CLK4: variants seen among roughly 807,000 people sequenced by gnomAD.
The protein encoded by CLK4 is dual specificity protein kinase CLK4.
In CLK4, 37 loss-of-function variants were observed where a neutral mutation model predicts 64.4. The ratio of observed to expected loss-of-function variants is 0.57; its 90% CI spans 0.44 to 0.76. The LOEUF (loss-of-function observed/expected upper bound fraction) is 0.76, where lower values mean the gene tolerates loss of function less well. CLK4 is among the 30% of genes least tolerant of loss of function. The pLI is 0.00. For synonymous variants in CLK4, 175 were observed against 191.6 expected, an observed-to-expected ratio of 0.91 and a Z score of 0.72; for missense variants, 457 against 605.1, an observed-to-expected ratio of 0.76 and a Z score of 2.57.
At chr5:178,618,457 ATT>A in intron 3 of CLK4, 97 bp downstream of exon 3, 1 of 367,516 alleles carries the variant, frequency 2.7e-6, no homozygotes, top group Non-Finnish European at 4.5e-6. Flanking sequence ...TCCAAATAGT[ATT>A]TTATATATAT....
rs747152188 is a variant in CLK4, at chr5:178,612,912, T to TTA, written c.827-24_827-23dup. 6 of 1,243,962 alleles carry TTA rather than the reference T, an allele frequency of 4.8e-6. No homozygotes were observed. In the African/African-American group the frequency reaches 6.0e-5, roughly 12 times the overall value. The allele number at this position is 1,243,962 out of a possible 1,614,324, so 77.1% of individuals were successfully genotyped here. On this transcript the variant is annotated intron_variant, in intron 7 of 12. Transcript: ENST00000316308. ...AAAACTACAAGAGAACAAAAGCACA[T>TTA]TATTAGTTTCACTTACAAACTTAAT...
At position 178,608,576 on chromosome 5, in the gene CLK4, A is replaced by C. The variant is rs541447842; in HGVS notation, c.1052-118T>G. The C allele has an allele frequency of 5.3e-5, 34 of 641,992 alleles. 1 individual carries two copies. The South Asian group carries it at 6.4e-4, about 12-fold the overall frequency. The allele number at this position is 641,992 out of a possible 1,614,324, so 39.8% of individuals were successfully genotyped here. ...AACCCATTTGGGAGAATAAGACACC[A>C]AATTCAGGGTTTATAGTTCTAGTTT... On this transcript the variant is annotated intron_variant, in intron 9 of 12. Transcript: ENST00000316308.
chr5:178,609,549 G>A (rs1455529164), intron 9 of CLK4, among the ~76,000 whole-genome samples: 2 of 152,054 alleles, frequency 1.3e-5, no homozygotes, highest in African/African-American at 4.8e-5. Context: ...TGGGCGTGGT[G>A]GCAGACGCCT....
chr5:178,613,845 T>C lies in CLK4; in HGVS notation c.543-2A>G. ...TTCACTGCTACATGCATGCCATCCC[T>C]TAAAAATAAAATTAAGATAAAAATG... On this transcript the variant is annotated splice_acceptor_variant, in intron 5 of 12. Transcript: ENST00000316308. LOFTEE classifies it high-confidence loss of function. The C allele has an allele frequency of 6.2e-7, 1 of 1,606,180 alleles. No individual in the cohort carries two copies. Among genetic ancestry groups the C allele is most frequent in the Non-Finnish European group, 8.5e-7 (1 of 1,173,184 alleles).
chr5:178,619,471 G>A (rs1764674512), intron 2 of CLK4, among the ~76,000 whole-genome samples: 1 of 152,166 alleles, frequency 6.6e-6, no homozygotes, highest in Non-Finnish European at 1.5e-5. Flanking sequence ...TGCCTCATGT[G>A]CCAAAGGCAT....
Position 178,611,645 on chromosome 5 carries a change from T to G in CLK4, c.1051+771A>C, listed in dbSNP as rs1019991267. 7.9e-5 allele frequency among the ~76,000 whole-genome samples: 12 copies of G among 152,166 alleles called. No homozygotes were observed. In the East Asian group the frequency reaches 1.9e-3, roughly 24 times the overall value. On this transcript the variant is annotated intron_variant, in intron 9 of 12. Coordinates refer to ENST00000316308, the MANE Select transcript of CLK4 (RefSeq NM_020666.3). ...AAGTATCAAGAGTTTGCTTTTACAC[T>G]CCTATTCTGAACTACCAAGTCCCGT...
chr5:178,617,396 A>G lies in CLK4; in HGVS notation c.423T>C (p.Asp141=). The change falls in exon 4 of 13, where the codon GAT becomes GAC. Residue 141 remains aspartate, a synonymous_variant. Transcript: ENST00000316308. This position sits in a 1 kb window ranked among gnomAD's most constrained non-coding sequence, Gnocchi z 5.2. ...HRRKRSRSIE[D]DEEGHLICQS... The stretch of plus-strand genomic sequence containing the variant: ...GACAGATCAGGTGACCCTCCTCATC[A>G]TCCTCTATACTCCTGGATCTTTTCC... 1 of 1,614,082 alleles carries G rather than the reference A, an allele frequency of 6.2e-7. No homozygotes were observed. Among genetic ancestry groups the G allele is most frequent in the Non-Finnish European group, 8.5e-7 (1 of 1,179,952 alleles).
At chr5:178,619,828 C>G in intron 2 of CLK4, 6 of 1,285,888 alleles carry the variant, frequency 4.7e-6, no homozygotes, top group Non-Finnish European at 6.1e-6. Context: ...TTTCCCGTCC[C>G]CCTCTCTACC....
At chr5:178,612,757 A>T in intron 8 of CLK4, 39 bp downstream of exon 8, 1 of 1,233,844 alleles carries the variant, frequency 8.1e-7, no homozygotes. Flanking sequence ...AATTAATTTT[A>T]AAGACAACCA....
At chr5:178,608,293 C>T in intron 10 of CLK4, 83 bp downstream of exon 10, 1 of 974,034 alleles carries the variant, frequency 1.0e-6, no homozygotes, top group Non-Finnish European at 1.5e-6. Flanking sequence ...GGCAATTTTC[C>T]AATATGGAAG....
intron 1 of CLK4, among the ~76,000 whole-genome samples, chr5:178,626,516 T>C (rs970444253): frequency 6.6e-6 from 1 of 152,210 alleles, no homozygotes; most frequent in African/African-American, 2.4e-5. Context: ...TGCTTGACTC[T>C]GGAAAACCCC....
At chr5:178,619,721 G>A (rs1764678133) in intron 2 of CLK4, 1 of 1,188,052 alleles carries the variant, frequency 8.4e-7, no homozygotes, top group Middle Eastern at 2.3e-4. Context: ...AACTTGGCAA[G>A]GAATTTCAAA....
At position 178,616,964 on chromosome 5, in the gene CLK4, A is replaced by G; in HGVS notation, c.476-16T>C. The G allele has an allele frequency of 1.9e-6, 3 of 1,592,656 alleles. No individual in the cohort carries two copies. Among genetic ancestry groups the G allele is most frequent in the Non-Finnish European group, 2.6e-6 (3 of 1,160,728 alleles). On this transcript the variant is annotated splice_polypyrimidine_tract_variant and intron_variant, in intron 4 of 12. Transcript: ENST00000316308. ...ACGATTTCATCTAGAGTGAGGAGGG[A>G]AAAAGAGGTGTAAGTACCTGAGTAC... is the stretch of plus-strand genomic sequence containing the variant.
chr5:178,618,930 G>C, intron 2 of CLK4, 152 bp from the exon 3 acceptor site: 1 of 622,234 alleles, frequency 1.6e-6, no homozygotes. Flanking sequence ...ATCTCATAAA[G>C]CTTAAGAAAT....
chr5:178,615,639 C>T (rs1317688414), intron 5 of CLK4, among the ~76,000 whole-genome samples: 1 of 151,880 alleles, frequency 6.6e-6, no homozygotes, highest in African/African-American at 2.4e-5. Flanking sequence ...ATTTAGATTC[C>T]CTGAAATGCA....
intron 7 of CLK4, among the ~76,000 whole-genome samples, chr5:178,613,175 C>T (rs889412398): frequency 6.6e-6 from 1 of 152,166 alleles, no homozygotes; most frequent in South Asian, 2.1e-4. Context: ...ATAACCCCAG[C>T]ACTTTGGGAG....
intron 2 of CLK4, among the ~76,000 whole-genome samples, chr5:178,619,213 A>G (rs1764671162): frequency 6.6e-6 from 1 of 152,252 alleles, no homozygotes; most frequent in African/African-American, 2.4e-5. Flanking sequence ...AAGGTATATT[A>G]GAGCTATAAG....
chr5:178,618,797 AT>A lies in CLK4; in HGVS notation c.162-20del. On this transcript the variant is annotated intron_variant, in intron 2 of 12. Coordinates refer to ENST00000316308, the MANE Select transcript of CLK4 (RefSeq NM_020666.3). ...ATAATGACTGCAAACACATTAAAAGATTTCAAATTATTCTCTTCATTCTGCA... is the reference window on the plus strand; with the variant it reads ...ATAATGACTGCAAACACATTAAAAGATTCAAATTATTCTCTTCATTCTGCA... 6.4e-7 allele frequency: 1 copy of A among 1,573,232 alleles called. No homozygotes were observed. The highest frequency in any genetic ancestry group is 1.1e-5 in the South Asian group (1 of 89,748).
chr5:178,606,945 G>T (rs539165432), intron 10 of CLK4, among the ~76,000 whole-genome samples: 1 of 150,190 alleles, frequency 6.7e-6, no homozygotes, highest in Non-Finnish European at 1.5e-5. Context: ...GGGTGACACA[G>T]TGAGACTCCA....
Sources: gnomAD v4.1 joint callset for allele counts (sites outside exome capture counted in the v4.1 genomes callset) on GRCh38, gnomAD v4.1.1 for gene constraint, Gnocchi (gnomAD v3.1) non-coding constraint, MANE v1.5 for transcripts, NCBI Gene and HGNC (gene_info 2026-07-23, HGNC 2026-07-21) for gene names.